GRID2: variants seen among roughly 807,000 people sequenced by gnomAD.
GRID2 encodes glutamate ionotropic receptor delta type subunit 2, also known as glutamate receptor ionotropic, delta-2.
A neutral mutation model predicts 114.8 loss-of-function variants in GRID2; 33 were observed. The ratio of observed to expected loss-of-function variants is 0.29; its 90% CI spans 0.22 to 0.38. The LOEUF (loss-of-function observed/expected upper bound fraction) is 0.38, where lower values mean the gene tolerates loss of function less well. Among genes scored for constraint, GRID2 ranks in the 10% least tolerant of loss-of-function variants. The probability of loss-of-function intolerance (pLI) is 1.00; values close to 1 mark genes in which losing one functional copy is unlikely to be tolerated. For synonymous variants in GRID2, 505 were observed against 449.9 expected, an observed-to-expected ratio of 1.12 and a Z score of -1.55; for missense variants, 1,184 against 1,257.7, an observed-to-expected ratio of 0.94 and a Z score of 0.89.
intron 10 of GRID2, among the ~76,000 whole-genome samples, chr4:93,425,679 G>A (rs1768775022): frequency 1.3e-5 from 2 of 152,088 alleles, no homozygotes; most frequent in South Asian, 2.1e-4. Context: ...CTCCTCTGTG[G>A]CATCCTCCTT....
intron 8 of GRID2, among the ~76,000 whole-genome samples, chr4:93,269,238 C>T (rs1477000477): frequency 6.6e-6 from 1 of 152,052 alleles, no homozygotes; most frequent in Non-Finnish European, 1.5e-5. Context: ...TTAAAAAATG[C>T]CAATGTCTGT....
chr4:93,498,410 A>C (rs1000299999), intron 12 of GRID2, among the ~76,000 whole-genome samples: 1 of 151,880 alleles, frequency 6.6e-6, no homozygotes, highest in African/African-American at 2.4e-5. Flanking sequence ...CCCCCTCTTA[A>C]TATTGTTGAA....
At chr4:92,511,086 AAAGAAAAATGGTTT>A (rs1724222256) in intron 1 of GRID2, among the ~76,000 whole-genome samples, 2 of 151,978 alleles carry the variant, frequency 1.3e-5, no homozygotes, top group South Asian at 4.1e-4. Flanking sequence ...GGTTATTTAC[AAAGAAAAATGGTTT>A]AATTTGGCTC....
rs578205809 is a variant in GRID2, at chr4:92,814,792, A to G, written c.244+224506A>G. 2.6e-5 allele frequency among the ~76,000 whole-genome samples: 4 copies of G among 152,262 alleles called. No homozygotes were observed. In the East Asian group the frequency reaches 5.8e-4, roughly 22 times the overall value. ...GGGCTTCGGAACTCACTGAAAAGCC[A>G]TCAGACACAGTGTCTGGGTGCTTCT... On this transcript the variant is annotated intron_variant, in intron 2 of 15. Transcript: ENST00000282020.
chr4:93,351,607 G>A (rs1760813218), intron 8 of GRID2, among the ~76,000 whole-genome samples: 2 of 152,006 alleles, frequency 1.3e-5, no homozygotes, highest in South Asian at 4.1e-4. Context: ...CATGAAAATG[G>A]AGTTAAGTCA....
chr4:92,599,295 G>T (rs62310144), intron 2 of GRID2, among the ~76,000 whole-genome samples: 2 of 151,850 alleles, frequency 1.3e-5, no homozygotes, highest in African/African-American at 4.8e-5. Flanking sequence ...TAAATAAGGC[G>T]CTGAGTCATA....
intron 2 of GRID2, among the ~76,000 whole-genome samples, chr4:92,818,778 T>C (rs557062659): frequency 6.6e-6 from 1 of 152,254 alleles, no homozygotes; most frequent in African/African-American, 2.4e-5. Context: ...CAGACACATA[T>C]GAATATACTC....
At chr4:93,551,590 A>G (rs1022848542) in intron 13 of GRID2, among the ~76,000 whole-genome samples, 1 of 152,218 alleles carries the variant, frequency 6.6e-6, no homozygotes, top group African/African-American at 2.4e-5. Context: ...TAATGGAAAG[A>G]AAGCACATAG....
chr4:92,767,629 T>C (rs1486463378), intron 2 of GRID2, among the ~76,000 whole-genome samples: 3 of 152,108 alleles, frequency 2.0e-5, no homozygotes, highest in Non-Finnish European at 2.9e-5. Context: ...TGGGTATCTG[T>C]AATTCCAGCT....
chr4:92,552,088 C>CA (rs929976290), intron 1 of GRID2, among the ~76,000 whole-genome samples: 1 of 151,798 alleles, frequency 6.6e-6, no homozygotes, highest in African/African-American at 2.4e-5. Flanking sequence ...AAAGAAAATT[C>CA]AAAATTGGAA....
chr4:92,570,121 A>G (rs992952975), intron 1 of GRID2, among the ~76,000 whole-genome samples: 8 of 152,004 alleles, frequency 5.3e-5, no homozygotes, highest in Admixed American at 5.3e-4. Flanking sequence ...ATCCATCTTG[A>G]GTTGATTTTC....
chr4:92,427,909 C>A (rs966971853), intron 1 of GRID2, among the ~76,000 whole-genome samples: 1 of 152,150 alleles, frequency 6.6e-6, no homozygotes, highest in Non-Finnish European at 1.5e-5. Flanking sequence ...ACAATCTACT[C>A]TGTGCTTCTT....
chr4:93,587,545 A>G (rs1737666616), intron 13 of GRID2, among the ~76,000 whole-genome samples: 1 of 152,054 alleles, frequency 6.6e-6, no homozygotes, highest in African/African-American at 2.4e-5. Context: ...AAAACATGTA[A>G]TTTCTTTTTT....
At chr4:92,536,075 G>C (rs533029315) in intron 1 of GRID2, among the ~76,000 whole-genome samples, 4 of 152,262 alleles carry the variant, frequency 2.6e-5, no homozygotes, top group East Asian at 1.9e-4. Context: ...AAAGAACAAA[G>C]CCTCCACAGC....
At chr4:93,037,776 T>A (rs1367089186) in intron 2 of GRID2, among the ~76,000 whole-genome samples, 6 of 152,186 alleles carry the variant, frequency 3.9e-5, no homozygotes, top group Admixed American at 3.9e-4. Flanking sequence ...TTCTGAGGCC[T>A]CTGTTCTGTT....
chr4:93,478,665 A>G (rs928597645), intron 11 of GRID2, among the ~76,000 whole-genome samples: 35 of 151,862 alleles, frequency 2.3e-4, no homozygotes, highest in African/African-American at 7.0e-4. Flanking sequence ...AACATTTTAT[A>G]TTTTAACTGT....
chr4:92,685,131 A>G (rs1455943991), intron 2 of GRID2, among the ~76,000 whole-genome samples: 4 of 152,116 alleles, frequency 2.6e-5, no homozygotes, highest in African/African-American at 9.6e-5. Context: ...TTAATGAATA[A>G]TTGTTAAAAT....
rs193181513 is a variant in GRID2 at position 93,078,319 on chromosome 4, T to C, written c.245-6676T>C. Among the ~76,000 whole-genome samples, 9 of 152,236 alleles carry C rather than the reference T, an allele frequency of 5.9e-5. 1 individual carries two copies. The East Asian group carries it at 9.7e-4, about 16-fold the overall frequency. On this transcript the variant is annotated intron_variant, in intron 2 of 15. Transcript: ENST00000282020. Reference sequence around the variant, plus strand: ...CCAATCTCTAGTTGAGGAAAAATGTTTTTGGGCTATCATAGAATAACGTTC... The same window carrying C: ...CCAATCTCTAGTTGAGGAAAAATGTCTTTGGGCTATCATAGAATAACGTTC...
At chr4:93,126,584 CTTTTTTTTTTTT>C (rs60017147) in intron 4 of GRID2, among the ~76,000 whole-genome samples, 8 of 52,752 alleles carry the variant, frequency 1.5e-4, no homozygotes, top group Middle Eastern at 0.024. Context: ...CTATTTAATT[CTTTTTTTTTTTT>C]TTTTTTTTTT....
Sources: gnomAD v4.1 joint callset for allele counts (sites outside exome capture counted in the v4.1 genomes callset) on GRCh38, gnomAD v4.1.1 for gene constraint, MANE v1.5 for transcripts, NCBI Gene and HGNC (gene_info 2026-07-23, HGNC 2026-07-21) for gene names.